The following PTPN14 variants were observed in gnomAD, a reference collection of about 807,000 sequenced individuals.
The protein encoded by PTPN14 is tyrosine-protein phosphatase non-receptor type 14.
A neutral mutation model predicts 126.8 loss-of-function variants in PTPN14; 53 were observed. The observed-to-expected ratio is 0.42, with a 90% CI of 0.34 to 0.53. PTPN14 has a LOEUF of 0.53. PTPN14 is among the 20% of genes least tolerant of loss of function. The pLI is 0.08. For synonymous variants in PTPN14, 630 were observed against 599.3 expected (o/e 1.05, Z -0.75); for missense variants, 1,257 against 1,552.9 (o/e 0.81, Z 3.20).
At chr1:214,421,688 A>AT (rs938641030) in intron 3 of PTPN14, among the ~76,000 whole-genome samples, 3 of 151,292 alleles carry the variant, frequency 2.0e-5, no homozygotes, top group African/African-American at 7.3e-5. Context: ...AGTCAAAACT[A>AT]TTTTTTTTTC....
intron 1 of PTPN14, among the ~76,000 whole-genome samples, chr1:214,475,237 G>C (rs1248474267): frequency 6.6e-6 from 1 of 152,156 alleles, no homozygotes; most frequent in East Asian, 1.9e-4. Context: ...AAAAGGGTCA[G>C]AATTTTCCCT....
At chr1:214,528,018 T>C (rs1655443594) in intron 1 of PTPN14, among the ~76,000 whole-genome samples, 1 of 152,190 alleles carries the variant, frequency 6.6e-6, no homozygotes, top group Non-Finnish European at 1.5e-5. Context: ...AGGATCAATA[T>C]TGCAATAAGA....
rs1657797953 is a variant in PTPN14, at chr1:214,355,528, T to C, written c.*2394A>G. 6.6e-6 allele frequency: 1 copy of C among 152,202 alleles called. No homozygotes were observed. Among genetic ancestry groups the C allele is most frequent in the Non-Finnish European group, 1.5e-5 (1 of 68,048 alleles). 9.4% of individuals were successfully genotyped at this position (152,202 alleles called of 1,614,324 possible). A position where few individuals can be genotyped will look rare whatever the true frequency, so the allele number is the denominator to read the frequency against. On this transcript the variant is annotated 3_prime_UTR_variant, in exon 19 of 19. Coordinates refer to ENST00000366956, the MANE Select transcript of PTPN14 (RefSeq NM_005401.5). The stretch of plus-strand genomic sequence containing the variant: ...ATAAGCTCTGTTCACTGAAAATACA[T>C]GTAATACTAATGGGTTTCTTTCCAG...
intron 1 of PTPN14, among the ~76,000 whole-genome samples, chr1:214,523,519 G>A (rs750015669): frequency 5.9e-5 from 9 of 152,196 alleles, no homozygotes; most frequent in Non-Finnish European, 1.2e-4. Flanking sequence ...ATCTAGCCTA[G>A]GTGTGTAGTA....
chr1:214,376,647 T>C (rs1571958688), intron 14 of PTPN14, among the ~76,000 whole-genome samples: 2 of 152,328 alleles, frequency 1.3e-5, no homozygotes, highest in Admixed American at 1.3e-4. Flanking sequence ...GTAGAACAAA[T>C]CTGCAAGAAC....
chr1:214,420,357 T>C (rs571494526), intron 3 of PTPN14, among the ~76,000 whole-genome samples: 30 of 152,256 alleles, frequency 2.0e-4, no homozygotes, highest in Non-Finnish European at 3.1e-4. Flanking sequence ...GTTTTCAACA[T>C]TCATTGATCA....
At position 214,357,483 on chromosome 1, in the gene PTPN14, A is replaced by G. The variant is rs1657850723; in HGVS notation, c.*439T>C. 1 of 152,476 alleles carries G rather than the reference A, an allele frequency of 6.6e-6. No homozygotes were observed. 9.4% of individuals were successfully genotyped at this position (152,476 alleles called of 1,614,324 possible). On this transcript the variant is annotated 3_prime_UTR_variant, in exon 19 of 19. Transcript: ENST00000366956. ...TTCTTACCGTCTTTGCTTTGGATAT[A>G]AGCAATGAATGATGAATGAATCAAG...
chr1:214,526,764 C>T (rs182738190), intron 1 of PTPN14, among the ~76,000 whole-genome samples: 1 of 152,006 alleles, frequency 6.6e-6, no homozygotes, highest in Non-Finnish European at 1.5e-5. Context: ...AATTAGAAAA[C>T]CAGAGGAGAG....
intron 11 of PTPN14, among the ~76,000 whole-genome samples, 166 bp downstream of exon 11, chr1:214,390,822 A>C (rs1173668751): frequency 6.6e-6 from 1 of 152,204 alleles, no homozygotes. Context: ...GATGGGTCCA[A>C]GGGGGACAAA....
At chr1:214,494,121 A>C (rs1325371265) in intron 1 of PTPN14, among the ~76,000 whole-genome samples, 1 of 151,644 alleles carries the variant, frequency 6.6e-6, no homozygotes, top group Non-Finnish European at 1.5e-5. Context: ...CCCAGGCTGG[A>C]GTGCAGTGGC....
At position 214,384,271 on chromosome 1, in the gene PTPN14, C is replaced by T. The variant is rs564427221; in HGVS notation, c.1584G>A (p.Pro528=). The part of the protein sequence containing the change: ...NPKNNVVPSK[P]GASAISHTVS... ...CCGTGTGCGAGATGGCGCTTGCCCC[C>T]GGCTTGCTTGGTACCACATTATTCT... Residue 528 remains proline (P), a synonymous_variant, in exon 13 of 19, where the codon CCG becomes CCA. Coordinates refer to ENST00000366956, the MANE Select transcript of PTPN14 (RefSeq NM_005401.5). This position sits in a 1 kb window ranked among gnomAD's most constrained non-coding sequence, Gnocchi z 5.3. 52 of 1,614,046 alleles carry T rather than the reference C, an allele frequency of 3.2e-5. No individual in the cohort carries two copies. The highest frequency in any genetic ancestry group is 6.7e-5 in the Admixed American group (4 of 59,994).
intron 11 of PTPN14, among the ~76,000 whole-genome samples, chr1:214,387,312 G>C (rs1658642471): frequency 6.6e-6 from 1 of 152,162 alleles, no homozygotes; most frequent in African/African-American, 2.4e-5. Flanking sequence ...AGGAGTTCAA[G>C]ACCAGCCTGG....
At chr1:214,506,354 A>T (rs61683779) in intron 1 of PTPN14, among the ~76,000 whole-genome samples, 56,743 of 149,034 alleles carry the variant, frequency 0.38, 13,740 homozygotes, top group African/African-American at 0.71. Flanking sequence ...TTTTTTTTTT[A>T]AAATTTTTTA....
chr1:214,507,644 G>A (rs1239055122), intron 1 of PTPN14, among the ~76,000 whole-genome samples: 3 of 152,102 alleles, frequency 2.0e-5, no homozygotes, highest in Non-Finnish European at 2.9e-5. Flanking sequence ...TTTTGTTCCA[G>A]TCAATATCAA....
intron 1 of PTPN14, among the ~76,000 whole-genome samples, chr1:214,494,636 G>C (rs1242953142): frequency 4.6e-5 from 7 of 152,180 alleles, no homozygotes; most frequent in Admixed American, 2.6e-4. Context: ...AGGGTAGAAA[G>C]AGATGACACG....
chr1:214,446,304 C>T (rs1412081111), intron 3 of PTPN14, among the ~76,000 whole-genome samples: 1 of 152,002 alleles, frequency 6.6e-6, no homozygotes, highest in Non-Finnish European at 1.5e-5. Flanking sequence ...TGTGTATTTT[C>T]CTTTTAATAT....
chr1:214,390,235 G>A (rs1658717598), intron 11 of PTPN14, among the ~76,000 whole-genome samples: 1 of 152,198 alleles, frequency 6.6e-6, no homozygotes, highest in African/African-American at 2.4e-5. Context: ...GTTAAAACAA[G>A]TGGAAAACAT....
chr1:214,399,177 C>A (rs994479162), intron 7 of PTPN14, among the ~76,000 whole-genome samples: 3 of 152,236 alleles, frequency 2.0e-5, no homozygotes, highest in African/African-American at 7.2e-5. Context: ...TCAAAACCCA[C>A]AGGCATCACA....
chr1:214,450,580 C>A (rs538692420), intron 3 of PTPN14, among the ~76,000 whole-genome samples: 1 of 152,184 alleles, frequency 6.6e-6, no homozygotes, highest in East Asian at 1.9e-4. Flanking sequence ...AATTTAAAAT[C>A]TAAAAACTAC....
Sources: gnomAD v4.1 joint callset for allele counts (sites outside exome capture counted in the v4.1 genomes callset) on GRCh38, gnomAD v4.1.1 for gene constraint, Gnocchi (gnomAD v3.1) non-coding constraint, MANE v1.5 for transcripts, NCBI Gene and HGNC (gene_info 2026-07-23, HGNC 2026-07-21) for gene names.